Variants in KANTR observed in about 807,000 individuals in gnomAD.
KANTR encodes KANTR integral membrane protein, also known as KDM5C adjacent transcript.
At chrX:53,147,405 C>G (rs1933592276), downstream of KANTR, among the ~76,000 whole-genome samples, 1 of 111,753 alleles carries the variant, frequency 8.9e-6, no homozygotes, top group South Asian at 3.8e-4. Flanking sequence ...ATCAGTTCAA[C>G]AAGAAGAGCT....
downstream of KANTR, among the ~76,000 whole-genome samples, chrX:53,145,614 A>C (rs1933564073): frequency 8.9e-6 from 1 of 112,185 alleles, no homozygotes; most frequent in African/African-American, 3.2e-5. Context: ...TCCTCTGCAG[A>C]CTTAAATGTC....
chrX:53,113,188 G>C, intron 2 of KANTR: 1 of 230,104 alleles, frequency 4.3e-6, no homozygotes, highest in Non-Finnish European at 8.7e-6. Flanking sequence ...AGATTGAGGT[G>C]CCCTTATCAA....
exon 3 of KANTR, chrX:53,125,832 G>A (rs782543543): frequency 1.8e-5 from 2 of 108,182 alleles, no homozygotes; most frequent in South Asian, 7.6e-4. Flanking sequence ...TCATCCTTTG[G>A]GATCATTTTC....
At chrX:53,108,526 C>T (rs1932983425) in intron 2 of KANTR, among the ~76,000 whole-genome samples, 1 of 111,497 alleles carries the variant, frequency 9.0e-6, no homozygotes, top group African/African-American at 3.3e-5. Flanking sequence ...TTTGATTGTT[C>T]ATTGCTAGTG....
chrX:53,102,873 A>G (rs1369458451), intron 2 of KANTR, among the ~76,000 whole-genome samples: 1 of 109,912 alleles, frequency 9.1e-6, no homozygotes, highest in Non-Finnish European at 1.9e-5. Flanking sequence ...TTTGTAGCTG[A>G]TCCTTCCAAT....
chrX:53,110,854 C>T (rs1421073041), intron 2 of KANTR, among the ~76,000 whole-genome samples: 2 of 106,891 alleles, frequency 1.9e-5, no homozygotes, highest in South Asian at 4.2e-4. Flanking sequence ...ATCCAGGAGG[C>T]GGAGATTGCA....
intron 2 of KANTR, among the ~76,000 whole-genome samples, chrX:53,104,951 C>G (rs1432925468): frequency 4.5e-5 from 5 of 110,412 alleles, no homozygotes; most frequent in Non-Finnish European, 9.5e-5. Context: ...GTGTCCCAAT[C>G]TTGGCTCACT....
At chrX:53,121,948 A>C (rs1326529157) in intron 2 of KANTR, among the ~76,000 whole-genome samples, 1 of 110,835 alleles carries the variant, frequency 9.0e-6, no homozygotes, top group African/African-American at 3.3e-5. Flanking sequence ...ACTCTAGCCC[A>C]CCCTCAAGTA....
chrX:53,140,985 A>C (rs965619793), intron 2 of KANTR, among the ~76,000 whole-genome samples: 2 of 110,867 alleles, frequency 1.8e-5, no homozygotes, highest in African/African-American at 6.6e-5. Context: ...AACATGATGA[A>C]GCCCCGTCTC....
intron 2 of KANTR, among the ~76,000 whole-genome samples, chrX:53,105,860 T>C (rs1285425266): frequency 1.1e-4 from 10 of 89,320 alleles, no homozygotes; most frequent in African/African-American, 2.9e-4. Flanking sequence ...TTTTCTTTTT[T>C]TTTTTTTTTT....
chrX:53,099,354 CAG>C (rs1450912475), intron 1 of KANTR, 116 bp from the exon 2 acceptor site: 2 of 110,863 alleles, frequency 1.8e-5, no homozygotes, highest in Non-Finnish European at 3.8e-5. Context: ...GCCTGAGCAA[CAG>C]AGCGAGACTC....
chrX:53,123,529 C>T (rs1933253344), exon 3 of KANTR: 1 of 111,462 alleles, frequency 9.0e-6, no homozygotes, highest in African/African-American at 3.3e-5. Flanking sequence ...TAAAAGGGCT[C>T]ATCAGCTGCA....
At chrX:53,107,913 G>A (rs200552772) in intron 2 of KANTR, among the ~76,000 whole-genome samples, 2 of 105,036 alleles carry the variant, frequency 1.9e-5, no homozygotes, top group Non-Finnish European at 3.8e-5. Context: ...TTTCTGAGAC[G>A]GAGTCTCACT....
intron 2 of KANTR, among the ~76,000 whole-genome samples, chrX:53,117,690 G>A (rs1265461277): frequency 2.1e-5 from 2 of 94,646 alleles, no homozygotes; most frequent in Admixed American, 1.2e-4. Context: ...GTGTGATCTC[G>A]GCTCACTGTA....
downstream of KANTR, chrX:53,143,467 A>G: frequency 1.7e-6 from 1 of 591,513 alleles, no homozygotes; most frequent in Non-Finnish European, 3.0e-6. Flanking sequence ...TGACAGTGCC[A>G]GTGATGCGCC....
At chrX:53,144,420 G>C (rs898869951), downstream of KANTR, among the ~76,000 whole-genome samples, 1 of 111,870 alleles carries the variant, frequency 8.9e-6, no homozygotes, top group South Asian at 3.7e-4. Context: ...TCTAGGCTGG[G>C]CATGGTGGCT....
chrX:53,099,424 C>T (rs1932871727), intron 1 of KANTR, 48 bp from the exon 2 acceptor site: 1 of 111,770 alleles, frequency 8.9e-6, no homozygotes, highest in Admixed American at 9.5e-5. Context: ...ACTTCTTCAG[C>T]CTCACATTCT....
At chrX:53,098,133 T>TA (rs781986021) in intron 1 of KANTR, among the ~76,000 whole-genome samples, 10 of 108,869 alleles carry the variant, frequency 9.2e-5, no homozygotes, top group African/African-American at 3.0e-4. Context: ...CATTGATACA[T>TA]ACAGGCATAT....
At chrX:53,104,491 A>G (rs2146720870) in intron 2 of KANTR, among the ~76,000 whole-genome samples, 1 of 110,349 alleles carries the variant, frequency 9.1e-6, no homozygotes, top group African/African-American at 3.3e-5. Context: ...CCTCCCAAAC[A>G]TGATCAATTT....
Sources: allele counts gnomAD v4.1 joint callset (sites outside exome capture counted in the v4.1 genomes callset), GRCh38; gene constraint gnomAD v4.1.1; transcripts MANE v1.5; gene names NCBI Gene and HGNC (gene_info 2026-07-23, HGNC 2026-07-21).